Variants in GNAS-AS1 observed in about 807,000 individuals in gnomAD.
GNAS-AS1 encodes GNAS antisense RNA 1, also known as GNAS antisense RNA 1 (non-protein coding).
At position 58,840,656 on chromosome 20, in the gene GNAS-AS1, G is replaced by A. The variant is rs2085681870; in HGVS notation, n.819+1281C>T. 3 of 1,604,996 alleles carry A rather than the reference G, an allele frequency of 1.9e-6. No individual in the cohort carries two copies. The highest frequency in any genetic ancestry group is 1.3e-5 in the African/African-American group (1 of 74,754). ...AAGTCGCGCGCCGCCCAGCACTCAG[G>A]AGCCCCAGAGCCCCAGGGAAGGGGA... On this transcript the variant is annotated intron_variant and non_coding_transcript_variant, in intron 4 of 4. Coordinates refer to ENST00000424094, the Ensembl canonical transcript of GNAS-AS1. This position sits in a 1 kb window ranked among gnomAD's most constrained non-coding sequence, Gnocchi z 6.0.
intron 4 of GNAS-AS1, chr20:58,823,923 C>T (rs1413942233): frequency 7.5e-6 from 3 of 398,004 alleles, no homozygotes; most frequent in South Asian, 1.3e-4. Context: ...CTCTCATCAT[C>T]GATACATAGG....
chr20:58,828,725 C>A (rs2085536026), intron 4 of GNAS-AS1, among the ~76,000 whole-genome samples: 1 of 152,244 alleles, frequency 6.6e-6, no homozygotes, highest in Non-Finnish European at 1.5e-5. Context: ...CCTAGAACAT[C>A]TTTCTACCTG....
intron 4 of GNAS-AS1, among the ~76,000 whole-genome samples, chr20:58,836,753 G>A (rs2085606297): frequency 6.6e-6 from 1 of 152,228 alleles, no homozygotes; most frequent in Non-Finnish European, 1.5e-5. Flanking sequence ...CACTAAGTGT[G>A]AGATGGAATG....
chr20:58,828,768 C>A (rs2085536475), intron 4 of GNAS-AS1, among the ~76,000 whole-genome samples: 1 of 152,252 alleles, frequency 6.6e-6, no homozygotes, highest in Non-Finnish European at 1.5e-5. Context: ...TTGTCACGTG[C>A]AGCCTAAAGG....
chr20:58,819,279 T>TAAA (rs1205047205), intron 4 of GNAS-AS1: 1 of 398,296 alleles, frequency 2.5e-6, no homozygotes, highest in Admixed American at 4.4e-5. Context: ...AGGTTTGGAA[T>TAAA]AAAAACAAAG....
chr20:58,825,364 A>G (rs564821465), intron 4 of GNAS-AS1, among the ~76,000 whole-genome samples: 1 of 152,202 alleles, frequency 6.6e-6, no homozygotes, highest in Non-Finnish European at 1.5e-5. Context: ...TCTCAGGTCA[A>G]TGAAGAGACT....
At chr20:58,829,836 A>G (rs1432134117) in intron 4 of GNAS-AS1, among the ~76,000 whole-genome samples, 1 of 152,136 alleles carries the variant, frequency 6.6e-6, no homozygotes, top group African/African-American at 2.4e-5. Context: ...GGTTATAAGG[A>G]GACCTTCCTT....
intron 2 of GNAS-AS1, among the ~76,000 whole-genome samples, chr20:58,844,733 A>G: frequency 6.6e-6 from 1 of 152,110 alleles, no homozygotes; most frequent in Non-Finnish European, 1.5e-5. Context: ...TGCTCAAATA[A>G]AAAGCACCAG....
At chr20:58,839,950 TCCC>T (rs2085656179) in intron 4 of GNAS-AS1, 1 of 717,290 alleles carries the variant, frequency 1.4e-6, no homozygotes, top group Admixed American at 2.7e-5. Flanking sequence ...GGTAGGTGCT[TCCC>T]TTTTTCTCCT....
Position 58,840,694 on chromosome 20 carries a change from C to T in GNAS-AS1, n.819+1243G>A. On this transcript the variant is annotated intron_variant and non_coding_transcript_variant, in intron 4 of 4. Transcript: ENST00000424094. This position sits in a 1 kb window ranked among gnomAD's most constrained non-coding sequence, Gnocchi z 6.0. ...CCAGGGAAGGGGAGGAGCTCAAGCCCGAGGACAAAGATCCAAGGGACCCCG... is the reference window on the plus strand; with the variant it reads ...CCAGGGAAGGGGAGGAGCTCAAGCCTGAGGACAAAGATCCAAGGGACCCCG... 1.2e-6 allele frequency: 2 copies of T among 1,603,988 alleles called. No homozygotes were observed. Among genetic ancestry groups the T allele is most frequent in the South Asian group, 1.1e-5 (1 of 90,982 alleles).
intron 1 of GNAS-AS1, among the ~76,000 whole-genome samples, chr20:58,850,215 A>C (rs1473034666): frequency 6.6e-6 from 1 of 152,166 alleles, no homozygotes; most frequent in Non-Finnish European, 1.5e-5. Context: ...AAGACTTTCA[A>C]GGTCCCCCCA....
At position 58,822,375 on chromosome 20, in the gene GNAS-AS1, G is replaced by A. The variant is rs533791501; in HGVS notation, n.820-3120C>T. On this transcript the variant is annotated intron_variant and non_coding_transcript_variant, in intron 4 of 4. Transcript: ENST00000424094. ...CAAGTGGTGGCAGGCACAGGGGTGT[G>A]TGTGCTGCTGGCCGAAAGGGGGCGG... is the stretch of plus-strand genomic sequence containing the variant. 1.7e-3 allele frequency among the ~76,000 whole-genome samples: 263 copies of A among 152,314 alleles called. 3 individuals carry two copies. Among genetic ancestry groups the A allele is most frequent in the Admixed American group, 3.0e-3 (46 of 15,302 alleles).
rs953102685 is a variant in GNAS-AS1, at chr20:58,840,622, C to A, written n.819+1315G>T. ...ACGCTCTCAAGTTGCGAAGCCCCGA[C>A]GCCTCCCCAAGTCGCGCGCCGCCCA... On this transcript the variant is annotated intron_variant and non_coding_transcript_variant, in intron 4 of 4. Transcript: ENST00000424094. The surrounding 1 kb of genome is among the most constrained non-coding windows in gnomAD (Gnocchi z 6.0). 1 of 1,607,870 alleles carries A rather than the reference C, an allele frequency of 6.2e-7. No individual in the cohort carries two copies. Among genetic ancestry groups the A allele is most frequent in the Non-Finnish European group, 8.5e-7 (1 of 1,178,160 alleles).
At chr20:58,822,583 A>C (rs1167680528) in intron 4 of GNAS-AS1, among the ~76,000 whole-genome samples, 1 of 152,224 alleles carries the variant, frequency 6.6e-6, no homozygotes, top group Non-Finnish European at 1.5e-5. Flanking sequence ...CATACCATGT[A>C]TCTGGGTGAG....
chr20:58,830,271 ACCACCG>A (rs2085548056), intron 4 of GNAS-AS1, among the ~76,000 whole-genome samples: 1 of 144,738 alleles, frequency 6.9e-6, no homozygotes, highest in Non-Finnish European at 1.5e-5. Context: ...CACCATCACC[ACCACCG>A]CCACACCACC....
intron 2 of GNAS-AS1, among the ~76,000 whole-genome samples, chr20:58,846,909 G>A (rs1011523850): frequency 2.6e-5 from 4 of 152,116 alleles, no homozygotes; most frequent in Admixed American, 1.3e-4. Flanking sequence ...TTTACCTTCC[G>A]AGATTCCCTC....
intron 4 of GNAS-AS1, among the ~76,000 whole-genome samples, chr20:58,828,826 C>G (rs1458916029): frequency 6.6e-6 from 1 of 152,124 alleles, no homozygotes; most frequent in Non-Finnish European, 1.5e-5. Flanking sequence ...CCCCACCACC[C>G]CACTCAACAT....
Position 58,841,518 on chromosome 20 carries a change from C to CA in GNAS-AS1, n.819+418dup, listed in dbSNP as rs1025945646. The CA allele has an allele frequency of 1.0e-6, 1 of 993,090 alleles. No homozygotes were observed. The highest frequency in any genetic ancestry group is 6.0e-5 in the Admixed American group (1 of 16,542). 61.5% of individuals were successfully genotyped at this position (993,090 alleles called of 1,614,324 possible). A position where few individuals can be genotyped will look rare whatever the true frequency, so the allele number is the denominator to read the frequency against. On this transcript the variant is annotated intron_variant and non_coding_transcript_variant, in intron 4 of 4. Transcript: ENST00000424094. The surrounding 1 kb of genome is among the most constrained non-coding windows in gnomAD (Gnocchi z 5.0). ...CAATTAAGCCGCGGGACCTCCGCGC[C>CA]AGTGCCTCCAGCTGCCGTGCGCCAG...
At position 58,841,348 on chromosome 20, in the gene GNAS-AS1, C is replaced by T. The variant is rs1195067273; in HGVS notation, n.819+589G>A. 5 of 1,052,122 alleles carry T rather than the reference C, an allele frequency of 4.8e-6. No individual in the cohort carries two copies. The highest frequency in any genetic ancestry group is 8.2e-5 in the East Asian group (1 of 12,246). 65.2% of individuals were successfully genotyped at this position (1,052,122 alleles called of 1,614,324 possible). A position where few individuals can be genotyped will look rare whatever the true frequency, so the allele number is the denominator to read the frequency against. ...CCAACTTTCACGATGTGAGAGCAGC[C>T]GCGCTGTAGAGACACCGTTGAAATG... On this transcript the variant is annotated intron_variant and non_coding_transcript_variant, in intron 4 of 4. Coordinates refer to ENST00000424094, the Ensembl canonical transcript of GNAS-AS1. This position sits in a 1 kb window ranked among gnomAD's most constrained non-coding sequence, Gnocchi z 5.0.
Sources: allele counts gnomAD v4.1 joint callset (sites outside exome capture counted in the v4.1 genomes callset), GRCh38; gene constraint gnomAD v4.1.1; non-coding constraint Gnocchi (gnomAD v3.1); transcripts MANE v1.5; gene names NCBI Gene and HGNC (gene_info 2026-07-23, HGNC 2026-07-21).